The following FAM167A variants were observed in gnomAD, a reference collection of about 807,000 sequenced individuals.
FAM167A encodes protein FAM167A.
In FAM167A, 23 loss-of-function variants were observed where a neutral mutation model predicts 14.9. The observed-to-expected ratio is 1.55, with a 90% confidence interval of 1.11 to 2.19. The LOEUF is 2.19. FAM167A is among the 30% of genes most tolerant of loss of function. The pLI, the probability that FAM167A is intolerant of heterozygous loss-of-function variation, is 0.00. For synonymous variants in FAM167A, 174 were observed against 117.7 expected, an observed-to-expected ratio of 1.48 and a Z score of -3.10; for missense variants, 401 against 281.5, an observed-to-expected ratio of 1.42 and a Z score of -3.04.
chr8:11,449,457 G>A (rs1198788196), intron 1 of FAM167A, among the ~76,000 whole-genome samples: 1 of 152,174 alleles, frequency 6.6e-6, no homozygotes, highest in Non-Finnish European at 1.5e-5. Context: ...GGGACTCCTG[G>A]GGCCCAGGCC....
Position 11,444,019 on chromosome 8 carries a change from G to GT in FAM167A, c.381+11_381+12insA. The GT allele has an allele frequency of 6.2e-7, 1 of 1,600,006 alleles. No homozygotes were observed. Among genetic ancestry groups the GT allele is most frequent in the Non-Finnish European group, 8.5e-7 (1 of 1,172,452 alleles). ...TCCTCTTTTCTGGGGATTCTTGGGG[G>GT]CAGCCACTCACCAGTTCCTTCCTGA... is the stretch of plus-strand genomic sequence containing the variant. On this transcript the variant is annotated intron_variant, in intron 2 of 2. Transcript: ENST00000284486.
chr8:11,465,189 G>T (rs1463147468), intron 1 of FAM167A, among the ~76,000 whole-genome samples: 4 of 152,190 alleles, frequency 2.6e-5, no homozygotes, highest in Admixed American at 2.0e-4. Context: ...GCAGGCAGGG[G>T]ACCTTCTCAG....
At chr8:11,450,639 T>A (rs1266367512) in intron 1 of FAM167A, among the ~76,000 whole-genome samples, 1 of 152,196 alleles carries the variant, frequency 6.6e-6, no homozygotes, top group African/African-American at 2.4e-5. Flanking sequence ...GAACCAAGCC[T>A]TTTATGCTGG....
chr8:11,436,414 C>G (rs536489517), intron 2 of FAM167A, among the ~76,000 whole-genome samples: 1 of 152,210 alleles, frequency 6.6e-6, no homozygotes, highest in African/African-American at 2.4e-5. Context: ...GGCCCAGGTA[C>G]GGCTGTTCTT....
Position 11,423,399 on chromosome 8 carries a change from T to A in FAM167A, c.*974A>T, listed in dbSNP as rs552292728. 1 of 152,646 alleles carries A rather than the reference T, an allele frequency of 6.6e-6. No individual in the cohort carries two copies. Among genetic ancestry groups the A allele is most frequent in the Non-Finnish European group, 1.5e-5 (1 of 68,044 alleles). The allele number at this position is 152,646 out of a possible 1,614,324, so 9.5% of individuals were successfully genotyped here. ...GAACAACACATCAGTAACAGTCTTA[T>A]TAAAACTAGTTGTTTAGGTCAGGCA... On this transcript the variant is annotated 3_prime_UTR_variant, in exon 3 of 3. Coordinates refer to ENST00000284486, the MANE Select transcript of FAM167A (RefSeq NM_053279.3).
chr8:11,470,944 G>A (rs1314548351), upstream of FAM167A, among the ~76,000 whole-genome samples: 7 of 152,194 alleles, frequency 4.6e-5, no homozygotes, highest in Non-Finnish European at 8.8e-5. Flanking sequence ...AGTTCAGAAG[G>A]ACAATGAGGG....
intron 2 of FAM167A, among the ~76,000 whole-genome samples, chr8:11,432,790 ATAGCAAAGACTT>A (rs1238735238): frequency 6.6e-6 from 1 of 152,256 alleles, no homozygotes; most frequent in Non-Finnish European, 1.5e-5. Flanking sequence ...ACTATTCACA[ATAGCAAAGACTT>A]AGAACCAACC....
chr8:11,466,975 A>G (rs1375623875), upstream of FAM167A, among the ~76,000 whole-genome samples: 3 of 152,206 alleles, frequency 2.0e-5, no homozygotes, highest in Non-Finnish European at 2.9e-5. Flanking sequence ...GCCAAACCCC[A>G]GATGAAACCA....
At chr8:11,472,205 C>G (rs1364357588), upstream of FAM167A, among the ~76,000 whole-genome samples, 1 of 152,172 alleles carries the variant, frequency 6.6e-6, no homozygotes, top group Non-Finnish European at 1.5e-5. Flanking sequence ...GCAGATTACG[C>G]AGCACACCGC....
intron 2 of FAM167A, chr8:11,438,627 C>G (rs1585249424): frequency 3.1e-5 from 13 of 414,472 alleles, no homozygotes; most frequent in African/African-American, 8.4e-5. Flanking sequence ...AATATTACCA[C>G]TCAGAAATAA....
At chr8:11,430,122 T>C (rs189570178) in intron 2 of FAM167A, among the ~76,000 whole-genome samples, 1 of 152,204 alleles carries the variant, frequency 6.6e-6, no homozygotes. Context: ...CCATAGGATG[T>C]GCCAATTTCC....
intron 2 of FAM167A, 87 bp from the exon 3 acceptor site, chr8:11,424,723 T>C: frequency 1.3e-6 from 2 of 1,525,562 alleles, no homozygotes; most frequent in Admixed American, 3.8e-5. Flanking sequence ...CCCTGACTAA[T>C]GTCTTAGTTC....
upstream of FAM167A, among the ~76,000 whole-genome samples, chr8:11,469,881 AAAAT>A (rs140444831): frequency 0.31 from 38,442 of 122,194 alleles, 5,700 homozygotes; most frequent in East Asian, 0.52. Context: ...CCCTGTCTCA[AAAAT>A]AAATAAATAA....
intron 2 of FAM167A, among the ~76,000 whole-genome samples, chr8:11,435,850 A>C (rs971453448): frequency 6.6e-6 from 1 of 152,260 alleles, no homozygotes; most frequent in African/African-American, 2.4e-5. Flanking sequence ...GAATTAAATA[A>C]GCCCATATCC....
In FAM167A at chr8:11,443,661, G is replaced by A. The variant is rs1806578876; in HGVS notation, c.381+370C>T. 1.9e-5 allele frequency: 4 copies of A among 207,278 alleles called. No individual in the cohort carries two copies. The South Asian group carries it at 3.2e-4, about 17-fold the overall frequency. The allele number at this position is 207,278 out of a possible 1,614,324, so 12.8% of individuals were successfully genotyped here. A position where few individuals can be genotyped will look rare whatever the true frequency, so the allele number is the denominator to read the frequency against. On this transcript the variant is annotated intron_variant, in intron 2 of 2. Coordinates refer to ENST00000284486, the MANE Select transcript of FAM167A (RefSeq NM_053279.3). ...CCCGGAGTGGCAGGCAGCTGGGGTG[G>A]ACAGCAGGGTGGGGAGGTTCCAGCA...
At chr8:11,462,600 G>A (rs925197854) in intron 1 of FAM167A, among the ~76,000 whole-genome samples, 10 of 149,134 alleles carry the variant, frequency 6.7e-5, no homozygotes, top group African/African-American at 2.6e-4. Context: ...TCGCCAGACT[G>A]CACGCTCCCT....
intron 1 of FAM167A, among the ~76,000 whole-genome samples, chr8:11,452,983 C>G (rs1317101496): frequency 6.6e-6 from 1 of 152,162 alleles, no homozygotes; most frequent in African/African-American, 2.4e-5. Context: ...CTGGGGTGAT[C>G]TCCCCCCTCT....
rs3021512 is a variant in FAM167A at position 11,444,092 on chromosome 8, G to C, written c.320C>G (p.Thr107Ser). The stretch of plus-strand genomic sequence containing the variant: ...GCTCTGAAAGCCTTCCAGCTTGCCA[G>C]TGGACAGGGGTCTGGCACCTTGGCT... The part of the protein sequence containing the change: ...SASQGARPLS[T>S]GKLEGFQSID... The change falls in exon 2 of 3, where the codon ACT becomes AGT. Residue 107 changes from threonine (T) to serine (S), a missense_variant. Physicochemically the swap from Thr to Ser is moderately conservative, Grantham distance 58. Transcript: ENST00000284486. 0.19 allele frequency: 299,143 copies of C among 1,613,412 alleles called. 30,932 individuals carry two copies. Among genetic ancestry groups the C allele is most frequent in the Non-Finnish European group, 0.21 (252,564 of 1,179,938 alleles).
At chr8:11,466,947 G>A (rs1807799946), upstream of FAM167A, among the ~76,000 whole-genome samples, 1 of 152,222 alleles carries the variant, frequency 6.6e-6, no homozygotes, top group African/African-American at 2.4e-5. Flanking sequence ...CGCGAGTGGA[G>A]AGGAACTACA....
Sources: allele counts gnomAD v4.1 joint callset (sites outside exome capture counted in the v4.1 genomes callset), GRCh38; gene constraint gnomAD v4.1.1; transcripts MANE v1.5; gene names NCBI Gene and HGNC (gene_info 2026-07-23, HGNC 2026-07-21).